Variants in PTPRD observed in about 807,000 individuals in gnomAD.
The protein encoded by PTPRD is receptor-type tyrosine-protein phosphatase delta.
PTPRD carries 34 observed loss-of-function variants against 214.5 expected under a neutral mutation model. The observed-to-expected ratio is 0.16, with a 90% CI of 0.12 to 0.21. PTPRD has a LOEUF of 0.21. Ranked by LOEUF, PTPRD falls within the 10% of genes least tolerant of loss-of-function variation. The pLI is 1.00. For synonymous variants in PTPRD, 1,128 were observed against 845.7 expected (o/e 1.33, Z -5.79); for missense variants, 2,545 against 2,398.7 (o/e 1.06, Z -1.27).
intron 21 of PTPRD, among the ~76,000 whole-genome samples, chr9:8,514,476 C>T (rs141682020): frequency 2.1e-3 from 321 of 150,752 alleles, no homozygotes; most frequent in African/African-American, 7.3e-3. Flanking sequence ...TTGAGTGTAA[C>T]GATCTTTCAT....
chr9:9,750,471 C>T (rs1010309520), intron 6 of PTPRD, among the ~76,000 whole-genome samples: 3 of 152,234 alleles, frequency 2.0e-5, no homozygotes, highest in East Asian at 1.9e-4. Context: ...AAAACTTCTC[C>T]TCCCTTTGTT....
intron 3 of PTPRD, among the ~76,000 whole-genome samples, chr9:10,100,727 C>T (rs2098543617): frequency 6.6e-6 from 1 of 151,456 alleles, no homozygotes; most frequent in Non-Finnish European, 1.5e-5. Context: ...TATTGAGCAC[C>T]TCGTAAGTGT....
At chr9:10,275,425 G>A (rs772199792) in intron 3 of PTPRD, among the ~76,000 whole-genome samples, 9 of 148,054 alleles carry the variant, frequency 6.1e-5, no homozygotes, top group Middle Eastern at 3.4e-3. Flanking sequence ...TGAGAGGGAT[G>A]AGAGAGAGAA....
chr9:9,656,766 T>C (rs1264543866), intron 7 of PTPRD, among the ~76,000 whole-genome samples: 1 of 152,144 alleles, frequency 6.6e-6, no homozygotes, highest in Non-Finnish European at 1.5e-5. Context: ...CTATGAACTC[T>C]GAGTGATAAT....
At chr9:10,303,741 T>C (rs1273069617) in intron 3 of PTPRD, among the ~76,000 whole-genome samples, 1 of 152,098 alleles carries the variant, frequency 6.6e-6, no homozygotes, top group Non-Finnish European at 1.5e-5. Context: ...AATAGACCAA[T>C]ACAAAGTTCT....
At chr9:9,375,071 C>T (rs1474353052) in intron 9 of PTPRD, among the ~76,000 whole-genome samples, 2 of 152,198 alleles carry the variant, frequency 1.3e-5, no homozygotes, top group East Asian at 3.9e-4. Flanking sequence ...TAACCAAACT[C>T]TGTGTGTGTA....
rs144040510 is a variant in PTPRD, at chr9:9,698,167, G to A, written c.-287+36366C>T. On this transcript the variant is annotated intron_variant, in intron 7 of 45. Transcript: ENST00000381196. ...ACTGGCTCCTTACTTTGTACACTTC[G>A]GAAGGTCATAGTTCCCTCTTTACTG... 1.2e-3 allele frequency among the ~76,000 whole-genome samples: 186 copies of A among 152,142 alleles called. 1 individual carries two copies. Among genetic ancestry groups the A allele is most frequent in the African/African-American group, 3.9e-3 (163 of 41,514 alleles).
intron 9 of PTPRD, among the ~76,000 whole-genome samples, chr9:9,391,088 A>G (rs1021400676): frequency 2.0e-5 from 3 of 152,198 alleles, no homozygotes; most frequent in Non-Finnish European, 2.9e-5. Flanking sequence ...AAATCTATTT[A>G]ATTTTCAGAA....
intron 7 of PTPRD, among the ~76,000 whole-genome samples, chr9:9,661,468 A>G (rs2096620734): frequency 1.3e-5 from 2 of 151,878 alleles, no homozygotes; most frequent in African/African-American, 4.8e-5. Flanking sequence ...ATATTAAACT[A>G]TGGTATCGTT....
intron 9 of PTPRD, among the ~76,000 whole-genome samples, chr9:9,209,227 T>C (rs1372240504): frequency 6.6e-6 from 1 of 152,128 alleles, no homozygotes; most frequent in Non-Finnish European, 1.5e-5. Flanking sequence ...ACGGAGAAGA[T>C]AGAAATATAT....
chr9:9,480,005 G>C (rs1475380646), intron 8 of PTPRD, among the ~76,000 whole-genome samples: 1 of 152,110 alleles, frequency 6.6e-6, no homozygotes. Context: ...CTCTTTTCAT[G>C]AGCAAGAATA....
intron 5 of PTPRD, among the ~76,000 whole-genome samples, chr9:9,936,131 G>A (rs1178345335): frequency 6.8e-6 from 1 of 147,156 alleles, no homozygotes; most frequent in Admixed American, 6.6e-5. Context: ...AGCCCTAGAA[G>A]AAAACCTAGG....
At chr9:8,546,214 A>T (rs547019138) in intron 14 of PTPRD, among the ~76,000 whole-genome samples, 1 of 152,338 alleles carries the variant, frequency 6.6e-6, no homozygotes, top group Admixed American at 6.5e-5. Flanking sequence ...TCCATATAAT[A>T]TAAAAACTGA....
chr9:10,300,286 G>C (rs1489415858), intron 3 of PTPRD, among the ~76,000 whole-genome samples: 1 of 152,136 alleles, frequency 6.6e-6, no homozygotes, highest in Non-Finnish European at 1.5e-5. Context: ...ATTCCCTCTG[G>C]TGCCTATGCC....
At chr9:10,342,610 A>G (rs2096963542) in intron 2 of PTPRD, among the ~76,000 whole-genome samples, 1 of 152,116 alleles carries the variant, frequency 6.6e-6, no homozygotes, top group South Asian at 2.1e-4. Context: ...TCAAATGTAT[A>G]AATACACTTA....
intron 10 of PTPRD, among the ~76,000 whole-genome samples, chr9:9,058,811 T>A (rs992945765): frequency 1.3e-4 from 19 of 151,962 alleles, no homozygotes; most frequent in African/African-American, 4.1e-4. Context: ...TGAAAAAACA[T>A]GTCATAAAGT....
intron 9 of PTPRD, among the ~76,000 whole-genome samples, chr9:9,224,802 G>C (rs1011903580): frequency 6.3e-4 from 96 of 151,900 alleles, no homozygotes; most frequent in Admixed American, 6.2e-3. Flanking sequence ...GACTCTGTAA[G>C]ATATGTCTTA....
chr9:9,409,580 T>C (rs1479464941), intron 8 of PTPRD, among the ~76,000 whole-genome samples: 2 of 152,020 alleles, frequency 1.3e-5, no homozygotes, highest in Non-Finnish European at 2.9e-5. Context: ...TTAAAATTTC[T>C]ACTGAAAAAC....
rs552533683 is a variant in PTPRD, at chr9:9,912,626, C to G, written c.-368+25881G>C. Among the ~76,000 whole-genome samples, 24 of 152,224 alleles carry G rather than the reference C, an allele frequency of 1.6e-4. No homozygotes were observed. In the South Asian group the frequency reaches 5.0e-3, roughly 32 times the overall value. ...TGGCAATCAGTGCTGAAGCCTGACA[C>G]GTGAGTTTGCATCTCCCTCTGGTGG... On this transcript the variant is annotated intron_variant, in intron 5 of 45. Transcript: ENST00000381196.
Sources: allele counts gnomAD v4.1 joint callset (sites outside exome capture counted in the v4.1 genomes callset), GRCh38; gene constraint gnomAD v4.1.1; transcripts MANE v1.5; gene names NCBI Gene and HGNC (gene_info 2026-07-23, HGNC 2026-07-21).